The following EPHB2 variants were observed in gnomAD, a reference collection of about 807,000 sequenced individuals.
The protein encoded by EPHB2 is ephrin type-B receptor 2.
In EPHB2, 18 loss-of-function variants were observed where a neutral mutation model predicts 96.4. The observed-to-expected ratio is 0.19, with a 90% CI of 0.13 to 0.28. The LOEUF (loss-of-function observed/expected upper bound fraction) is 0.28, where lower values mean the gene tolerates loss of function less well. Ranked by LOEUF, EPHB2 falls within the 10% of genes least tolerant of loss-of-function variation. The pLI, the probability that EPHB2 is intolerant of heterozygous loss-of-function variation, is 1.00. For synonymous variants in EPHB2, 506 were observed against 534.1 expected, an observed-to-expected ratio of 0.95 and a Z score of 0.72; for missense variants, 989 against 1,355.4, an observed-to-expected ratio of 0.73 and a Z score of 4.25.
intron 1 of EPHB2, among the ~76,000 whole-genome samples, chr1:22,762,576 A>G (rs928067214): frequency 2.6e-5 from 4 of 152,058 alleles, no homozygotes; most frequent in Non-Finnish European, 5.9e-5. Context: ...GTCTCCAGCA[A>G]GGCTCCTTCC....
chr1:22,793,092 T>C (rs946460014), intron 3 of EPHB2, among the ~76,000 whole-genome samples: 15 of 152,122 alleles, frequency 9.9e-5, no homozygotes, highest in African/African-American at 2.7e-4. Flanking sequence ...TCCTCTCTCC[T>C]CTCTGAGTCA....
intron 3 of EPHB2, among the ~76,000 whole-genome samples, chr1:22,817,596 T>C (rs1349528855): frequency 6.6e-6 from 1 of 152,206 alleles, no homozygotes; most frequent in African/African-American, 2.4e-5. Context: ...CCTGAGCTTC[T>C]TGGAGTTTTC....
At chr1:22,896,625 C>A in intron 9 of EPHB2, 147 bp downstream of exon 9, 3 of 996,910 alleles carry the variant, frequency 3.0e-6, no homozygotes, top group South Asian at 1.4e-5. Flanking sequence ...CTCACTCTCA[C>A]CTCTAGGCCT....
chr1:22,719,887 C>T (rs1471295217), intron 1 of EPHB2, among the ~76,000 whole-genome samples: 1 of 152,188 alleles, frequency 6.6e-6, no homozygotes, highest in East Asian at 1.9e-4. Flanking sequence ...TGGCTTAAAA[C>T]AATAATGATT....
At chr1:22,794,269 G>A (rs1325958205) in intron 3 of EPHB2, among the ~76,000 whole-genome samples, 1 of 152,120 alleles carries the variant, frequency 6.6e-6, no homozygotes, top group Non-Finnish European at 1.5e-5. Context: ...CTTGGGAGAG[G>A]AGGAGACCCG....
In EPHB2 at chr1:22,913,609, G is replaced by A. The variant is rs768225734; in HGVS notation, c.*39G>A. On this transcript the variant is annotated 3_prime_UTR_variant, in exon 16 of 16. Coordinates refer to ENST00000374630, the MANE Select transcript of EPHB2 (RefSeq NM_017449.5). The surrounding 1 kb of genome is among the most constrained non-coding windows in gnomAD (Gnocchi z 4.1). ...CGGCTCACCTCTTCCTCCAAGCCCC[G>A]CCCCCTCTGCCCCACGTGCCGGCCC... is the stretch of plus-strand genomic sequence containing the variant. The A allele has an allele frequency of 1.9e-5, 31 of 1,611,580 alleles. No homozygotes were observed. The highest frequency in any genetic ancestry group is 2.4e-5 in the Non-Finnish European group (28 of 1,178,896).
At position 22,913,737 on chromosome 1, in the gene EPHB2, G is replaced by T; in HGVS notation, c.*167G>T. The stretch of plus-strand genomic sequence containing the variant: ...CCACGAGACGTCACCAAGAAAACAT[G>T]CAACTCAAACGACGGAAAAAAAAAG... On this transcript the variant is annotated 3_prime_UTR_variant, in exon 16 of 16. Transcript: ENST00000374630. This position sits in a 1 kb window ranked among gnomAD's most constrained non-coding sequence, Gnocchi z 4.1. The T allele has an allele frequency of 6.2e-7, 1 of 1,603,816 alleles. No individual in the cohort carries two copies. Among genetic ancestry groups the T allele is most frequent in the South Asian group, 1.1e-5 (1 of 89,506 alleles).
intron 9 of EPHB2, among the ~76,000 whole-genome samples, chr1:22,901,965 A>T (rs1639767570): frequency 6.6e-6 from 1 of 152,130 alleles, no homozygotes; most frequent in Non-Finnish European, 1.5e-5. Flanking sequence ...AGCTGGGATC[A>T]CAAGCCTGCA....
intron 3 of EPHB2, among the ~76,000 whole-genome samples, chr1:22,829,300 C>T (rs940911396): frequency 1.3e-5 from 2 of 152,264 alleles, no homozygotes; most frequent in African/African-American, 4.8e-5. Flanking sequence ...ACCCCTAGCA[C>T]ACACCCAGCC....
chr1:22,811,042 A>C (rs1358782962), intron 3 of EPHB2, among the ~76,000 whole-genome samples: 1 of 152,134 alleles, frequency 6.6e-6, no homozygotes, highest in African/African-American at 2.4e-5. Flanking sequence ...TCAGCTTGAC[A>C]ACCCATGTGC....
In EPHB2 at chr1:22,919,287, T is replaced by A. The variant is rs1398584775; in HGVS notation, c.*5717T>A. ...AAACCCAGACGCAGATTAGGACCCA[T>A]GAAGTAGGGGGTAGAGCTGACCCTC... On this transcript the variant is annotated 3_prime_UTR_variant, in exon 16 of 16. Transcript: ENST00000374630. The A allele has an allele frequency of 1.3e-5, 2 of 152,212 alleles. No homozygotes were observed. The highest frequency in any genetic ancestry group is 2.9e-5 in the Non-Finnish European group (2 of 68,102). The allele number at this position is 152,212 out of a possible 1,614,324, so 9.4% of individuals were successfully genotyped here. A position where few individuals can be genotyped will look rare whatever the true frequency, so the allele number is the denominator to read the frequency against.
At chr1:22,899,277 G>A (rs182545122) in intron 9 of EPHB2, among the ~76,000 whole-genome samples, 9 of 150,008 alleles carry the variant, frequency 6.0e-5, no homozygotes, top group African/African-American at 1.7e-4. Context: ...CAAGATGAGC[G>A]GATCACCTGA....
intron 3 of EPHB2, among the ~76,000 whole-genome samples, chr1:22,804,843 C>G (rs1644901016): frequency 1.3e-5 from 2 of 151,958 alleles, no homozygotes; most frequent in African/African-American, 2.4e-5. Context: ...ATCTCCCCTC[C>G]TCTCTGTTTC....
At chr1:22,824,780 G>T (rs1305751695) in intron 3 of EPHB2, among the ~76,000 whole-genome samples, 1 of 152,242 alleles carries the variant, frequency 6.6e-6, no homozygotes, top group Non-Finnish European at 1.5e-5. Flanking sequence ...AACTGTCCCT[G>T]TCGTGGTTTT....
chr1:22,798,597 C>G (rs1016796371), intron 3 of EPHB2, among the ~76,000 whole-genome samples: 11 of 152,094 alleles, frequency 7.2e-5, no homozygotes, highest in Non-Finnish European at 1.5e-4. Context: ...TCATAAGGAG[C>G]TGGTGGGAGC....
At chr1:22,855,438 G>A (rs972134864) in intron 3 of EPHB2, among the ~76,000 whole-genome samples, 3 of 152,228 alleles carry the variant, frequency 2.0e-5, no homozygotes, top group Non-Finnish European at 2.9e-5. Flanking sequence ...TTCAAGGAAG[G>A]CATCTCAGCC....
At chr1:22,730,267 T>A (rs1643677880) in intron 1 of EPHB2, among the ~76,000 whole-genome samples, 1 of 152,166 alleles carries the variant, frequency 6.6e-6, no homozygotes, top group South Asian at 2.1e-4. Context: ...AGCTAGTCAG[T>A]GGGACAGACG....
chr1:22,920,175 G>A lies in EPHB2; in HGVS notation c.*6605G>A, dbSNP rs951032383. 1.3e-5 allele frequency: 2 copies of A among 152,288 alleles called. No homozygotes were observed. Among genetic ancestry groups the A allele is most frequent in the Non-Finnish European group, 2.9e-5 (2 of 68,096 alleles). 9.4% of individuals were successfully genotyped at this position (152,288 alleles called of 1,614,324 possible). On this transcript the variant is annotated 3_prime_UTR_variant, in exon 16 of 16. Transcript: ENST00000374630. Reference sequence around the variant, plus strand: ...ATTGCATGCATCAGGCCTTCCTGGGGGTAAAAGGGGCTGGCTGTTCCAGGC... The same window carrying A: ...ATTGCATGCATCAGGCCTTCCTGGGAGTAAAAGGGGCTGGCTGTTCCAGGC...
At chr1:22,720,202 G>T (rs1643420410) in intron 1 of EPHB2, among the ~76,000 whole-genome samples, 1 of 152,216 alleles carries the variant, frequency 6.6e-6, no homozygotes, top group African/African-American at 2.4e-5. Context: ...ATGTCACAAA[G>T]TGTCACCCCT....
Sources: allele counts gnomAD v4.1 joint callset (sites outside exome capture counted in the v4.1 genomes callset), GRCh38; gene constraint gnomAD v4.1.1; non-coding constraint Gnocchi (gnomAD v3.1); transcripts MANE v1.5; gene names NCBI Gene and HGNC (gene_info 2026-07-23, HGNC 2026-07-21).